Variants in UGT2B10 observed in about 807,000 individuals in gnomAD.
The protein encoded by UGT2B10 is UDP glucuronosyltransferase family 2 member B10.
A neutral mutation model predicts 43.7 loss-of-function variants in UGT2B10; 51 were observed. The ratio of observed to expected loss-of-function variants is 1.17; its 90% CI spans 0.93 to 1.47. The LOEUF (loss-of-function observed/expected upper bound fraction) is 1.47. Ranked by LOEUF, UGT2B10 falls within the 40% of genes most tolerant of loss-of-function variation. The probability of loss-of-function intolerance (pLI) is 0.00; values close to 1 mark genes in which losing one functional copy is unlikely to be tolerated. For synonymous variants in UGT2B10, 225 were observed against 209.0 expected (o/e 1.08, Z -0.66); for missense variants, 696 against 617.7 (o/e 1.13, Z -1.34).
At position 68,822,312 on chromosome 4, in the gene UGT2B10, T is replaced by G. The variant is rs201856522; in HGVS notation, c.909T>G (p.Val303=). The G allele has an allele frequency of 5.0e-6, 8 of 1,613,432 alleles. No homozygotes were observed. The highest frequency in any genetic ancestry group is 6.8e-6 in the Non-Finnish European group (8 of 1,179,812). Residue 303 remains valine, a synonymous_variant, in exon 3 of 6, where the codon GTT becomes GTG. Transcript: ENST00000265403. ...EFVQSSGENG[V]VVFSLGSMVS... ...TACAGAGCTCTGGAGAAAATGGTGT[T>G]GTGGTGTTTTCTCTGGGGTCAATGG... is the stretch of plus-strand genomic sequence containing the variant.
chr4:68,825,433 A>T (rs1003694509), intron 3 of UGT2B10, among the ~76,000 whole-genome samples: 1 of 151,822 alleles, frequency 6.6e-6, no homozygotes, highest in Non-Finnish European at 1.5e-5. Context: ...TTGTTTCATC[A>T]CCCACGTATT....
chr4:68,825,811 G>A (rs1373658515), intron 3 of UGT2B10, among the ~76,000 whole-genome samples: 2 of 151,964 alleles, frequency 1.3e-5, no homozygotes, highest in Non-Finnish European at 2.9e-5. Context: ...TAGTTTCATG[G>A]ATCTTTATGA....
chr4:68,818,023 T>C lies in UGT2B10; in HGVS notation c.719-6T>C, dbSNP rs992889128. 3 of 1,602,978 alleles carry C rather than the reference T, an allele frequency of 1.9e-6. No individual in the cohort carries two copies. The African/African-American group carries it at 4.0e-5, about 22-fold the overall frequency. On this transcript the variant is annotated splice_polypyrimidine_tract_variant and splice_region_variant and intron_variant, in intron 1 of 5. Coordinates refer to ENST00000265403, the MANE Select transcript of UGT2B10 (RefSeq NM_001075.6). Reference sequence around the variant, plus strand: ...ATCCACTTCTTCTTTTCTTTATTCCTATCAGGAAGACCCACTACATTATCT... The same window carrying C: ...ATCCACTTCTTCTTTTCTTTATTCCCATCAGGAAGACCCACTACATTATCT...
intron 2 of UGT2B10, among the ~76,000 whole-genome samples, chr4:68,818,441 A>G (rs888240587): frequency 6.6e-6 from 1 of 151,880 alleles, no homozygotes; most frequent in Non-Finnish European, 1.5e-5. Flanking sequence ...AACACCTAAG[A>G]AGGTATTGGT....
rs1285713544 is a variant in UGT2B10, at chr4:68,830,775, T to C, written c.1483T>C (p.Phe495Leu). 8.1e-6 allele frequency: 13 copies of C among 1,613,424 alleles called. No homozygotes were observed. In the Admixed American group the frequency reaches 1.3e-4, roughly 17 times the overall value. ...FQYHSLDVIGFLLACVATVLF... is the reference protein window; with the variant it reads ...FQYHSLDVIGLLLACVATVLF... ...GTACCACTCTTTGGATGTGATTGGG[T>C]TCCTGCTGGCTTGTGTGGCAACCGT... The change falls in exon 6 of 6, where the codon TTC becomes CTC. Residue 495 changes from phenylalanine to leucine, a missense_variant. Transcript: ENST00000265403.
intron 3 of UGT2B10, among the ~76,000 whole-genome samples, chr4:68,822,999 G>A (rs1578268328): frequency 6.6e-6 from 1 of 152,246 alleles, no homozygotes; most frequent in East Asian, 1.9e-4. Flanking sequence ...ATTAAGGAAT[G>A]TAGTATTTCT....
chr4:68,830,079 T>C (rs182746138), intron 5 of UGT2B10, among the ~76,000 whole-genome samples: 18 of 152,226 alleles, frequency 1.2e-4, no homozygotes, highest in Admixed American at 7.2e-4. Context: ...AATTCTCAGA[T>C]TGCATTTTCA....
At chr4:68,829,591 C>T (rs1238412821) in intron 5 of UGT2B10, among the ~76,000 whole-genome samples, 5 of 151,660 alleles carry the variant, frequency 3.3e-5, no homozygotes, top group Admixed American at 1.3e-4. Flanking sequence ...CTAGAGGTTC[C>T]GTCAGATTGT....
chr4:68,816,694 A>G lies in UGT2B10; in HGVS notation c.675A>G (p.Ile225Met), dbSNP rs754926782. Residue 225 changes from isoleucine (I) to methionine (M), a missense_variant, in exon 1 of 6, where the codon ATA becomes ATG. Physicochemically the swap from Ile to Met is conservative, Grantham distance 10 (BLOSUM62 1). Coordinates refer to ENST00000265403, the MANE Select transcript of UGT2B10 (RefSeq NM_001075.6). ...YVLYFDFWFQ[I>M]FNMKKWDQFY... ...TTTATTTTGACTTTTGGTTCCAAATATTTAATATGAAGAAGTGGGATCAGT... is the reference window on the plus strand; with the variant it reads ...TTTATTTTGACTTTTGGTTCCAAATGTTTAATATGAAGAAGTGGGATCAGT... 9 of 1,611,020 alleles carry G rather than the reference A, an allele frequency of 5.6e-6. No homozygotes were observed. In the Admixed American group the frequency reaches 6.7e-5, roughly 12 times the overall value.
At chr4:68,826,156 T>C (rs578037762) in intron 3 of UGT2B10, among the ~76,000 whole-genome samples, 3 of 152,106 alleles carry the variant, frequency 2.0e-5, no homozygotes, top group Non-Finnish European at 4.4e-5. Flanking sequence ...AGTATAAAAA[T>C]TTTCTAAATA....
At chr4:68,829,580 C>G (rs1406165229) in intron 5 of UGT2B10, among the ~76,000 whole-genome samples, 2 of 151,766 alleles carry the variant, frequency 1.3e-5, no homozygotes, top group Non-Finnish European at 2.9e-5. Flanking sequence ...CAGAGAAAAT[C>G]CTAGAGGTTC....
chr4:68,817,892 A>G lies in UGT2B10; in HGVS notation c.719-137A>G. 5.1e-6 allele frequency: 5 copies of G among 984,874 alleles called. No individual in the cohort carries two copies. In the East Asian group the frequency reaches 1.5e-4, roughly 29 times the overall value. 61.0% of individuals were successfully genotyped at this position (984,874 alleles called of 1,614,324 possible). A position where few individuals can be genotyped will look rare whatever the true frequency, so the allele number is the denominator to read the frequency against. On this transcript the variant is annotated intron_variant, in intron 1 of 5. Transcript: ENST00000265403. The stretch of plus-strand genomic sequence containing the variant: ...CATAAAAAATAAATTATTCCTATAT[A>G]TGAATATATGTACATATTTTTCAAA...
rs940293527 is a variant in UGT2B10, at chr4:68,831,426, G to A, written c.*547G>A. Among the ~76,000 whole-genome samples the A allele has an allele frequency of 6.6e-6, 1 of 152,056 alleles. No homozygotes were observed. The highest frequency in any genetic ancestry group is 2.4e-5 in the African/African-American group (1 of 41,432). ...ATTTTTATATAAGAATGATTCAAAT[G>A]TTCAGGGATGAAAGAGTCACTAACA... On this transcript the variant is annotated 3_prime_UTR_variant, in exon 6 of 6. Coordinates refer to ENST00000265403, the MANE Select transcript of UGT2B10 (RefSeq NM_001075.6).
At chr4:68,816,819 A>T (rs1249711807) in intron 1 of UGT2B10, 82 bp downstream of exon 1, 2 of 1,154,090 alleles carry the variant, frequency 1.7e-6, no homozygotes, top group Non-Finnish European at 1.2e-6. Flanking sequence ...CCATAAAGTC[A>T]GGGAAGTGGA....
intron 2 of UGT2B10, among the ~76,000 whole-genome samples, chr4:68,821,642 T>A (rs368401179): frequency 1.3e-5 from 2 of 152,210 alleles, no homozygotes; most frequent in African/African-American, 4.8e-5. Flanking sequence ...ATGTCAGTGA[T>A]TCTTAACCCC....
rs775415986 is a variant in UGT2B10 at position 68,818,102 on chromosome 4, A to G, written c.792A>G (p.Lys264=). Residue 264 remains lysine, a synonymous_variant, in exon 2 of 6, where the codon AAA becomes AAG. Coordinates refer to ENST00000265403, the MANE Select transcript of UGT2B10 (RefSeq NM_001075.6). ...TTATGCGAAACTCCTGGAATTTTAA[A>G]TTTCCTCATCCATTCTTACCAAATG... ...IWLMRNSWNF[K]FPHPFLPNVD... is the part of the protein sequence containing the mutation. The G allele has an allele frequency of 6.2e-7, 1 of 1,612,016 alleles. No individual in the cohort carries two copies. Among genetic ancestry groups the G allele is most frequent in the Non-Finnish European group, 8.5e-7 (1 of 1,178,640 alleles).
chr4:68,826,534 A>G (rs747290601), intron 4 of UGT2B10, 37 bp downstream of exon 4: 7 of 1,586,060 alleles, frequency 4.4e-6, no homozygotes, highest in South Asian at 1.2e-5. Context: ...TATATTAGTA[A>G]CTGCACATTA....
rs527801238 is a variant in UGT2B10, at chr4:68,824,352, C to T, written c.999+1950C>T. 5.3e-5 allele frequency among the ~76,000 whole-genome samples: 8 copies of T among 152,252 alleles called. No homozygotes were observed. The South Asian group carries it at 8.3e-4, about 16-fold the overall frequency. Reference sequence around the variant, plus strand: ...ATGGATCCTGACCTGAAGGTGGATCCTGTCCAGTATAAAATGTGGCCCCAC... The same window carrying T: ...ATGGATCCTGACCTGAAGGTGGATCTTGTCCAGTATAAAATGTGGCCCCAC... On this transcript the variant is annotated intron_variant, in intron 3 of 5. Coordinates refer to ENST00000265403, the MANE Select transcript of UGT2B10 (RefSeq NM_001075.6).
intron 3 of UGT2B10, among the ~76,000 whole-genome samples, chr4:68,824,622 T>G (rs111432886): frequency 0.072 from 10,886 of 152,248 alleles, 793 homozygotes; most frequent in African/African-American, 0.18. Flanking sequence ...AAATTTTGCT[T>G]AAACCTGAGT....
Sources: allele counts gnomAD v4.1 joint callset (sites outside exome capture counted in the v4.1 genomes callset), GRCh38; gene constraint gnomAD v4.1.1; transcripts MANE v1.5; gene names NCBI Gene and HGNC (gene_info 2026-07-23, HGNC 2026-07-21).